Variants in PPP6R1 observed in about 807,000 individuals in gnomAD.
The protein encoded by PPP6R1 is protein phosphatase 6 regulatory subunit 1.
A neutral mutation model predicts 104.6 loss-of-function variants in PPP6R1; 39 were observed. That is an observed-to-expected ratio of 0.37 (90% confidence interval 0.29 to 0.49). PPP6R1 has a LOEUF of 0.49. PPP6R1 is among the 20% of genes least tolerant of loss of function. PPP6R1 has a pLI of 0.98. For missense variants in PPP6R1, 1,181 were observed against 1,155.8 expected (o/e 1.02, Z -0.32); for synonymous variants, 549 against 479.0 (o/e 1.15, Z -1.91).
Position 55,230,368 on chromosome 19 carries a change from C to T in PPP6R1, c.*160G>A. On this transcript the variant is annotated 3_prime_UTR_variant, in exon 24 of 24. Transcript: ENST00000412770. Reference sequence around the variant, plus strand: ...TCAGTGCAAATGGGGGTGGGTTGGGCCTGTCTCCCTGGCACCAGCCTCCTG... The same window carrying T: ...TCAGTGCAAATGGGGGTGGGTTGGGTCTGTCTCCCTGGCACCAGCCTCCTG... 9.1e-7 allele frequency: 1 copy of T among 1,096,396 alleles called. No individual in the cohort carries two copies. The highest frequency in any genetic ancestry group is 1.3e-6 in the Non-Finnish European group (1 of 763,996). 67.9% of individuals were successfully genotyped at this position (1,096,396 alleles called of 1,614,324 possible). A position where few individuals can be genotyped will look rare whatever the true frequency, so the allele number is the denominator to read the frequency against.
At chr19:55,243,609 T>C (rs1211802231) in intron 5 of PPP6R1, among the ~76,000 whole-genome samples, 1 of 151,518 alleles carries the variant, frequency 6.6e-6, no homozygotes, top group African/African-American at 2.4e-5. Flanking sequence ...AAGGCTACAG[T>C]GAGGCAAGAT....
intron 1 of PPP6R1, among the ~76,000 whole-genome samples, chr19:55,248,940 G>C (rs1434808275): frequency 1.3e-5 from 2 of 152,190 alleles, no homozygotes; most frequent in African/African-American, 4.8e-5. Context: ...CCCTAAGGCT[G>C]GGCTCAGCAC....
rs147556791 is a variant in PPP6R1 at position 55,235,924 on chromosome 19, C to T, written c.1988+719G>A. 7.0e-3 allele frequency among the ~76,000 whole-genome samples: 1,035 copies of T among 148,840 alleles called. 8 individuals are homozygous for T. The highest frequency in any genetic ancestry group is 0.03 in the South Asian group (141 of 4,626). ...TGCGATCTCAACTCACTGCAACCTC[C>T]GCCCCCCAGGGTAAAGCGATCCTTC... On this transcript the variant is annotated intron_variant, in intron 17 of 23. Coordinates refer to ENST00000412770, the MANE Select transcript of PPP6R1 (RefSeq NM_014931.4).
intron 15 of PPP6R1, chr19:55,239,179 C>T (rs1489878538): frequency 3.5e-6 from 2 of 564,956 alleles, no homozygotes; most frequent in African/African-American, 3.8e-5. Context: ...CATGGCCTGC[C>T]TCTCGGAGAG....
Position 55,241,198 on chromosome 19 carries a change from GCCCCAGCCCCTGAAC to G in PPP6R1, c.1161+26_1161+40del, listed in dbSNP as rs1568946797. 3.2e-5 allele frequency: 12 copies of G among 373,650 alleles called. No homozygotes were observed. The highest frequency in any genetic ancestry group is 3.9e-5 in the Non-Finnish European group (10 of 254,416). 23.1% of individuals were successfully genotyped at this position (373,650 alleles called of 1,614,324 possible). A position where few individuals can be genotyped will look rare whatever the true frequency, so the allele number is the denominator to read the frequency against. ...GAACCCTCAGCCCAGTCCAGTCCCC[GCCCCAGCCCCTGAAC>G]CCCCAGCCCGGTCCAGTCCCCGCAC... On this transcript the variant is annotated intron_variant, in intron 9 of 23. Transcript: ENST00000412770. This position sits in a 1 kb window ranked among gnomAD's most constrained non-coding sequence, Gnocchi z 5.4.
At chr19:55,251,183 C>T (rs1056714492) in intron 1 of PPP6R1, among the ~76,000 whole-genome samples, 1 of 152,214 alleles carries the variant, frequency 6.6e-6, no homozygotes, top group Non-Finnish European at 1.5e-5. Flanking sequence ...TTCTGACCTG[C>T]CGCCTGGAAG....
At chr19:55,228,458 C>A, downstream of PPP6R1, 1 of 1,608,140 alleles carries the variant, frequency 6.2e-7, no homozygotes, top group Non-Finnish European at 8.5e-7. Flanking sequence ...TGGGGAGCTA[C>A]TGAGCCGAAA....
intron 1 of PPP6R1, among the ~76,000 whole-genome samples, chr19:55,255,435 C>T (rs28505548): frequency 0.01 from 1,553 of 152,322 alleles, 31 homozygotes; most frequent in African/African-American, 0.035. Flanking sequence ...ACTGAAATCT[C>T]TGTGGCCTAG....
In PPP6R1 at chr19:55,242,365, C is replaced by T. The variant is rs370577242; in HGVS notation, c.731+11G>A. ...AGCTCCCCCCAGCCTTAGCCTTGCC[C>T]GCACACCCACTTCTCCAGGGTGGCC... On this transcript the variant is annotated intron_variant, in intron 6 of 23. Coordinates refer to ENST00000412770, the MANE Select transcript of PPP6R1 (RefSeq NM_014931.4). 2.4e-5 allele frequency: 38 copies of T among 1,612,478 alleles called. No individual in the cohort carries two copies. Among genetic ancestry groups the T allele is most frequent in the South Asian group, 5.5e-5 (5 of 91,066 alleles).
rs762777652 is a variant in PPP6R1 at position 55,240,246 on chromosome 19, C to T, written c.1351G>A (p.Asp451Asn). 2.2e-5 allele frequency: 35 copies of T among 1,591,554 alleles called. No individual in the cohort carries two copies. The highest frequency in any genetic ancestry group is 2.9e-5 in the Non-Finnish European group (34 of 1,169,710). The change falls in exon 11 of 24, where the codon GAC becomes AAC. Residue 451 changes from aspartate (D) to asparagine (N), a missense_variant. Around this residue, in one of 2 missense-constraint regions of PPP6R1, gnomAD observed 1,042 missense variants for 955.6 expected, o/e 1.09. Transcript: ENST00000412770. ...ERILTSWEEN[D>N]RVQCAGGPRK... ...GCAGCAGGTGCTCACTGTACACGGTCGTTCTCCTCCCAGGACGTCAGGATC... is the reference window on the plus strand; with the variant it reads ...GCAGCAGGTGCTCACTGTACACGGTTGTTCTCCTCCCAGGACGTCAGGATC...
At chr19:55,250,851 G>A (rs1004945046) in intron 1 of PPP6R1, among the ~76,000 whole-genome samples, 18 of 151,980 alleles carry the variant, frequency 1.2e-4, no homozygotes, top group Non-Finnish European at 2.5e-4. Flanking sequence ...GACCGCAGGC[G>A]ACCCCTGCTC....
In PPP6R1 at chr19:55,239,774, C is replaced by A. The variant is rs2087433540; in HGVS notation, c.1563+52G>T. The stretch of plus-strand genomic sequence containing the variant: ...GGTGGCGGTGGGAGGCTAAGACTGG[C>A]CCAAGAGAGAGAAGCAGCAGGAGGA... On this transcript the variant is annotated intron_variant, in intron 13 of 23. Coordinates refer to ENST00000412770, the MANE Select transcript of PPP6R1 (RefSeq NM_014931.4). 2.5e-6 allele frequency: 4 copies of A among 1,598,026 alleles called. No individual in the cohort carries two copies. In the Admixed American group the frequency reaches 6.9e-5, roughly 27 times the overall value.
At position 55,230,821 on chromosome 19, in the gene PPP6R1, T is replaced by C. The variant is rs747447005; in HGVS notation, c.2523A>G (p.Thr841=). ...AGGGCTCTGGGCTCTTCTCCCCTTC[T>C]GTGGTCTGGGGGGGCTGGTGGGCCC... The part of the protein sequence containing the change: ...ASGAHQPPQT[T]EGEKSPEPLG... The change falls in exon 22 of 24, where the codon ACA becomes ACG. Residue 841 remains threonine (T), a synonymous_variant. Transcript: ENST00000412770. 5.0e-6 allele frequency: 8 copies of C among 1,596,382 alleles called. No homozygotes were observed. In the Admixed American group the frequency reaches 1.0e-4, roughly 20 times the overall value.
intron 15 of PPP6R1, among the ~76,000 whole-genome samples, chr19:55,237,552 T>C (rs931917642): frequency 6.6e-6 from 1 of 152,208 alleles, no homozygotes; most frequent in Admixed American, 6.5e-5. Flanking sequence ...TCCCACGTGT[T>C]ACGGACAGTT....
At chr19:55,240,854 T>G (rs1568946589) in intron 10 of PPP6R1, 91 bp downstream of exon 10, 6 of 1,485,036 alleles carry the variant, frequency 4.0e-6, no homozygotes, top group East Asian at 2.5e-5. Context: ...CAAACACTTG[T>G]GGGAGGAAGG....
chr19:55,234,053 G>A (rs770922059), intron 17 of PPP6R1, among the ~76,000 whole-genome samples: 1 of 152,136 alleles, frequency 6.6e-6, no homozygotes, highest in Non-Finnish European at 1.5e-5. Flanking sequence ...AGGTTCAAGC[G>A]ATATTCCTGC....
Position 55,242,201 on chromosome 19 carries a change from C to T in PPP6R1, c.810G>A (p.Gln270=), listed in dbSNP as rs375735698. 60 of 1,613,710 alleles carry T rather than the reference C, an allele frequency of 3.7e-5. No homozygotes were observed. The African/African-American group carries it at 7.6e-4, about 20-fold the overall frequency. The change falls in exon 7 of 24, where the codon CAG becomes CAA. Residue 270 remains glutamine (Q), a synonymous_variant. Transcript: ENST00000412770. ...TGGGCTCCAGCAGGGTCAGCAGCAC[C>T]TGGATCCCACTGACGATGACAGACT... is the stretch of plus-strand genomic sequence containing the variant. ...QSQSVIVSGI[Q]VLLTLLEPRR...
rs745486659 is a variant in PPP6R1, at chr19:55,245,029, C to G, written c.618+91G>C. 1 of 1,527,572 alleles carries G rather than the reference C, an allele frequency of 6.5e-7. No homozygotes were observed. Among genetic ancestry groups the G allele is most frequent in the Non-Finnish European group, 8.9e-7 (1 of 1,125,370 alleles). The allele number at this position is 1,527,572 out of a possible 1,614,324, so 94.6% of individuals were successfully genotyped here. On this transcript the variant is annotated intron_variant, in intron 5 of 23. Transcript: ENST00000412770. This position sits in a 1 kb window ranked among gnomAD's most constrained non-coding sequence, Gnocchi z 6.4. ...CTGGAATTACAGGCGTGAGCCACTG[C>G]GTCCAGCCCCAATTCCTCTTTTAAA...
chr19:55,253,858 C>T (rs2087572431), intron 1 of PPP6R1, among the ~76,000 whole-genome samples: 3 of 152,152 alleles, frequency 2.0e-5, no homozygotes, highest in African/African-American at 7.2e-5. Context: ...TCCTGGTGAA[C>T]CTGGGCAGGC....
Sources: gnomAD v4.1 joint callset for allele counts (sites outside exome capture counted in the v4.1 genomes callset) on GRCh38, gnomAD v4.1.1 for gene constraint, gnomAD v4.1.1 regional missense constraint, Gnocchi (gnomAD v3.1) non-coding constraint, MANE v1.5 for transcripts, NCBI Gene and HGNC (gene_info 2026-07-23, HGNC 2026-07-21) for gene names.